The following MMAA variants were observed in gnomAD, a reference collection of about 807,000 sequenced individuals.
The protein encoded by MMAA is methylmalonic aciduria type A protein, mitochondrial.
MMAA carries 41 observed loss-of-function variants against 45.0 expected under a neutral mutation model. That is an observed-to-expected ratio of 0.91 (90% CI 0.71 to 1.18). The LOEUF is 1.18. Ranked by LOEUF, MMAA falls within the 50% of genes most tolerant of loss-of-function variation. The pLI is 0.00. For missense variants in MMAA, 460 were observed against 495.7 expected (o/e 0.93, Z 0.68); for synonymous variants, 154 against 178.2 (o/e 0.86, Z 1.08).
chr4:145,653,662 CAG>C (rs1380941355), intron 5 of MMAA, among the ~76,000 whole-genome samples: 2 of 152,170 alleles, frequency 1.3e-5, no homozygotes, highest in African/African-American at 4.8e-5. Context: ...TTGCATCCTG[CAG>C]TGTTAGCTCA....
Position 145,642,447 on chromosome 4 carries a change from C to CT in MMAA, c.525dup (p.Val176CysfsTer11). On this transcript the variant is annotated frameshift_variant, in exon 3 of 7. Coordinates refer to ENST00000649156, the MANE Select transcript of MMAA (RefSeq NM_172250.3). LOFTEE classifies it high-confidence loss of function. ...CTTACTGAGAGAGGGCACAAATTATCTGTGCTAGCTGTGGACCCTTCTTCT... is the reference window on the plus strand; with the variant it reads ...CTTACTGAGAGAGGGCACAAATTATCTTGTGCTAGCTGTGGACCCTTCTTCT... 6.2e-7 allele frequency: 1 copy of CT among 1,614,140 alleles called. No individual in the cohort carries two copies. The highest frequency in any genetic ancestry group is 8.5e-7 in the Non-Finnish European group (1 of 1,179,978).
intron 2 of MMAA, 80 bp downstream of exon 2, chr4:145,639,658 A>G: frequency 6.6e-7 from 1 of 1,510,722 alleles, no homozygotes; most frequent in South Asian, 1.3e-5. Context: ...AAGTCTAAAT[A>G]GTTTGCAATC....
chr4:145,623,157 C>T (rs1388273697), intron 1 of MMAA, among the ~76,000 whole-genome samples: 1 of 152,124 alleles, frequency 6.6e-6, no homozygotes, highest in Non-Finnish European at 1.5e-5. Context: ...TTGAAAATGG[C>T]CTGTTCACTA....
intron 1 of MMAA, among the ~76,000 whole-genome samples, chr4:145,628,850 G>A (rs933531868): frequency 1.3e-5 from 2 of 152,138 alleles, no homozygotes; most frequent in Non-Finnish European, 2.9e-5. Context: ...TGTAGATGAA[G>A]TTATATACAC....
chr4:145,656,101 T>G lies in MMAA; in HGVS notation c.*667T>G, dbSNP rs1728222383. On this transcript the variant is annotated 3_prime_UTR_variant, in exon 7 of 7. Transcript: ENST00000649156. ...AAAATGGGTGACTAATCCCCAGTTC[T>G]TGGACCCATTATATTTGTAGCCAAT... is the stretch of plus-strand genomic sequence containing the variant. 6.6e-6 allele frequency: 1 copy of G among 152,226 alleles called. No individual in the cohort carries two copies. Among genetic ancestry groups the G allele is most frequent in the Admixed American group, 6.5e-5 (1 of 15,278 alleles). 9.4% of individuals were successfully genotyped at this position (152,226 alleles called of 1,614,324 possible).
rs1017255196 is a variant in MMAA at position 145,659,133 on chromosome 4, C to T, written c.*3699C>T. 5.3e-5 allele frequency: 8 copies of T among 152,090 alleles called. No individual in the cohort carries two copies. Among genetic ancestry groups the T allele is most frequent in the African/African-American group, 1.7e-4 (7 of 41,408 alleles). 9.4% of individuals were successfully genotyped at this position (152,090 alleles called of 1,614,324 possible). A position where few individuals can be genotyped will look rare whatever the true frequency, so the allele number is the denominator to read the frequency against. On this transcript the variant is annotated 3_prime_UTR_variant, in exon 7 of 7. Coordinates refer to ENST00000649156, the MANE Select transcript of MMAA (RefSeq NM_172250.3). The stretch of plus-strand genomic sequence containing the variant: ...AGGAACAATCAGAAAAACTCTTTAA[C>T]AAATGTTTTTCTTTCCGTAGTATTT...
intron 2 of MMAA, among the ~76,000 whole-genome samples, chr4:145,641,797 A>G (rs189864129): frequency 5.1e-4 from 77 of 152,246 alleles, no homozygotes; most frequent in Admixed American, 3.9e-3. Context: ...TGCACTGCCA[A>G]CTCTCCAAGT....
In MMAA at chr4:145,651,154, AT is replaced by A; in HGVS notation, c.819+12del. 1.2e-6 allele frequency: 2 copies of A among 1,610,848 alleles called. No homozygotes were observed. Among genetic ancestry groups the A allele is most frequent in the Non-Finnish European group, 8.5e-7 (1 of 1,177,288 alleles). On this transcript the variant is annotated splice_region_variant and intron_variant, in intron 5 of 6. Coordinates refer to ENST00000649156, the MANE Select transcript of MMAA (RefSeq NM_172250.3). ...AGGAGGAGATGAGCTGCAGGTAATT[AT>A]TTTTATTTTTTCCCCCAAAAATATA... is the stretch of plus-strand genomic sequence containing the variant.
At chr4:145,649,196 G>A (rs1362803753) in intron 4 of MMAA, among the ~76,000 whole-genome samples, 2 of 152,098 alleles carry the variant, frequency 1.3e-5, no homozygotes, top group Non-Finnish European at 1.5e-5. Context: ...TATTCAGGAG[G>A]CTGAGGTGAA....
intron 5 of MMAA, 118 bp from the exon 6 acceptor site, chr4:145,653,876 C>T (rs1728159496): frequency 1.8e-6 from 2 of 1,086,766 alleles, no homozygotes. Context: ...TCTTGGCATC[C>T]AGGGCTTAGG....
chr4:145,642,976 G>A (rs1727828321), intron 3 of MMAA: 1 of 205,498 alleles, frequency 4.9e-6, no homozygotes, highest in South Asian at 9.7e-5. Flanking sequence ...CTCTTAGAGG[G>A]GCACTGTAAT....
chr4:145,643,975 A>T (rs908474277), intron 3 of MMAA, among the ~76,000 whole-genome samples: 3 of 152,214 alleles, frequency 2.0e-5, no homozygotes, highest in Non-Finnish European at 2.9e-5. Flanking sequence ...AAAGAAAAAA[A>T]TACAAGGATA....
At chr4:145,638,930 T>C (rs897463944) in intron 1 of MMAA, 145 bp from the exon 2 acceptor site, 29 of 596,190 alleles carry the variant, frequency 4.9e-5, no homozygotes, top group Non-Finnish European at 8.0e-5. Context: ...GTTTATTTAG[T>C]AAGAAAACTT....
chr4:145,639,730 AGTTTT>A (rs1371182764), intron 2 of MMAA, 152 bp downstream of exon 2: 28 of 1,424,586 alleles, frequency 2.0e-5, no homozygotes, highest in Non-Finnish European at 2.5e-5. Flanking sequence ...GGCAAATATT[AGTTTT>A]GTTAAGTTGA....
chr4:145,653,694 C>T (rs187475044), intron 5 of MMAA, among the ~76,000 whole-genome samples: 322 of 152,278 alleles, frequency 2.1e-3, no homozygotes, highest in Non-Finnish European at 3.6e-3. Flanking sequence ...CATTCCATCA[C>T]GAGATAATGT....
chr4:145,655,473 A>T lies in MMAA; in HGVS notation c.*39A>T, dbSNP rs1415166825. On this transcript the variant is annotated 3_prime_UTR_variant, in exon 7 of 7. Coordinates refer to ENST00000649156, the MANE Select transcript of MMAA (RefSeq NM_172250.3). ...GTATAATAATTTTACATATCATTTC[A>T]TAAAGTATTTTAATAGAAAAATCAC... The T allele has an allele frequency of 6.5e-7, 1 of 1,534,852 alleles. No homozygotes were observed. Among genetic ancestry groups the T allele is most frequent in the African/African-American group, 1.4e-5 (1 of 71,950 alleles).
At position 145,638,904 on chromosome 4, in the gene MMAA, G is replaced by T. The variant is rs568348566; in HGVS notation, c.-65-171G>T. On this transcript the variant is annotated intron_variant, in intron 1 of 6. Coordinates refer to ENST00000649156, the MANE Select transcript of MMAA (RefSeq NM_172250.3). ...TGAATATTAACTGTGGCCATGGAGG[G>T]AGTCTTCTCTTTTAAGTTTATTTAG... 2.0e-5 allele frequency among the ~76,000 whole-genome samples: 3 copies of T among 152,238 alleles called. No homozygotes were observed. The East Asian group carries it at 5.8e-4, about 29-fold the overall frequency.
At chr4:145,645,224 G>A (rs184787816) in intron 3 of MMAA, among the ~76,000 whole-genome samples, 4 of 152,282 alleles carry the variant, frequency 2.6e-5, no homozygotes, top group Non-Finnish European at 5.9e-5. Flanking sequence ...ATAGAAAGGG[G>A]AGGGACACTA....
At chr4:145,652,134 C>A (rs1728110202) in intron 5 of MMAA, among the ~76,000 whole-genome samples, 1 of 152,112 alleles carries the variant, frequency 6.6e-6, no homozygotes, top group Non-Finnish European at 1.5e-5. Context: ...AATGAAGACA[C>A]ACATAAGAAG....
Sources: allele counts gnomAD v4.1 joint callset (sites outside exome capture counted in the v4.1 genomes callset), GRCh38; gene constraint gnomAD v4.1.1; transcripts MANE v1.5; gene names NCBI Gene and HGNC (gene_info 2026-07-23, HGNC 2026-07-21).